SLF2: variants seen among roughly 807,000 people sequenced by gnomAD.
The protein encoded by SLF2 is SMC5/6 complex localization factor 2.
SLF2 carries 68 observed loss-of-function variants against 124.3 expected under a neutral mutation model. The ratio of observed to expected loss-of-function variants is 0.55; its 90% CI spans 0.45 to 0.67. The LOEUF is 0.67. SLF2 is among the 30% of genes least tolerant of loss of function. The probability of loss-of-function intolerance (pLI) is 0.00; values close to 1 mark genes in which losing one functional copy is unlikely to be tolerated. For missense variants in SLF2, 1,246 were observed against 1,373.7 expected (o/e 0.91, Z 1.47); for synonymous variants, 480 against 478.8 (o/e 1.00, Z -0.03).
In SLF2 at chr10:100,930,981, G is replaced by A. The variant is rs1301282042; in HGVS notation, c.2339G>A (p.Gly780Glu). Residue 780 changes from glycine (G) to glutamate (E), a missense_variant, in exon 9 of 20, where the codon GGA becomes GAA. Around this residue, in one of 3 missense-constraint regions of SLF2, gnomAD observed 535 missense variants for 632.8 expected, o/e 0.85. Transcript: ENST00000238961. ...SAVEKLILKS[G>E]KTDQIFLTTQ... is the part of the protein sequence containing the mutation. ...ATTTTACTTTATTTTTTCAGATCGG[G>A]AAAAACAGATCAGATTTTTTTGACA... The A allele has an allele frequency of 2.5e-6, 4 of 1,613,510 alleles. No homozygotes were observed. Among genetic ancestry groups the A allele is most frequent in the Non-Finnish European group, 3.4e-6 (4 of 1,179,562 alleles).
Position 100,963,058 on chromosome 10 carries a change from A to G in SLF2, c.*1146A>G, listed in dbSNP as rs1012547848. ...ATTTTGTTGACGAGATGTCCCTTTT[A>G]GGAGGGTTTGTTTCCTGAAAGAATG... On this transcript the variant is annotated 3_prime_UTR_variant, in exon 20 of 20. Transcript: ENST00000238961. The G allele has an allele frequency of 6.6e-6, 1 of 152,534 alleles. No individual in the cohort carries two copies. Among genetic ancestry groups the G allele is most frequent in the Admixed American group, 6.5e-5 (1 of 15,272 alleles). The allele number at this position is 152,534 out of a possible 1,614,324, so 9.4% of individuals were successfully genotyped here. A position where few individuals can be genotyped will look rare whatever the true frequency, so the allele number is the denominator to read the frequency against.
At chr10:100,946,504 TTTA>T (rs1251193185) in intron 13 of SLF2, among the ~76,000 whole-genome samples, 1 of 151,998 alleles carries the variant, frequency 6.6e-6, no homozygotes, top group Non-Finnish European at 1.5e-5. Flanking sequence ...TTTCTGTGTA[TTTA>T]GTAGAGACAG....
At chr10:100,955,375 GCT>G (rs920102151) in intron 17 of SLF2, among the ~76,000 whole-genome samples, 1 of 152,120 alleles carries the variant, frequency 6.6e-6, no homozygotes, top group Admixed American at 6.6e-5. Context: ...ACAAATGTTA[GCT>G]CTGTTTGTTG....
In SLF2 at chr10:100,913,000, G is replaced by T; in HGVS notation, c.-111G>T. 8.3e-7 allele frequency: 1 copy of T among 1,204,712 alleles called. No homozygotes were observed. Among genetic ancestry groups the T allele is most frequent in the South Asian group, 1.4e-5 (1 of 70,480 alleles). The allele number at this position is 1,204,712 out of a possible 1,614,324, so 74.6% of individuals were successfully genotyped here. A position where few individuals can be genotyped will look rare whatever the true frequency, so the allele number is the denominator to read the frequency against. On this transcript the variant is annotated 5_prime_UTR_variant, in exon 1 of 20. Coordinates refer to ENST00000238961, the MANE Select transcript of SLF2 (RefSeq NM_018121.4). Reference sequence around the variant, plus strand: ...AGAACCGCCATGAAGAGAGAAGGGGGTGCCGCCCACCTCTGCTCCGACAGC... The same window carrying T: ...AGAACCGCCATGAAGAGAGAAGGGGTTGCCGCCCACCTCTGCTCCGACAGC...
intron 17 of SLF2, among the ~76,000 whole-genome samples, chr10:100,955,186 C>T (rs1247226078): frequency 1.3e-5 from 2 of 151,406 alleles, no homozygotes; most frequent in East Asian, 1.9e-4. Flanking sequence ...GTGATCTGCC[C>T]GCCTCGGCCT....
rs1205967112 is a variant in SLF2 at position 100,931,090 on chromosome 10, G to A, written c.2436+12G>A. Reference sequence around the variant, plus strand: ...AGTGGCTGTTTCGGGTAAGAGGAATGTTTAGAGGGTTATAGTTGCCTCCTA... The same window carrying A: ...AGTGGCTGTTTCGGGTAAGAGGAATATTTAGAGGGTTATAGTTGCCTCCTA... On this transcript the variant is annotated intron_variant, in intron 9 of 19. Transcript: ENST00000238961. The A allele has an allele frequency of 1.3e-6, 2 of 1,584,774 alleles. No individual in the cohort carries two copies. Among genetic ancestry groups the A allele is most frequent in the Admixed American group, 1.7e-5 (1 of 58,244 alleles).
chr10:100,914,729 T>C (rs937402161), intron 1 of SLF2, among the ~76,000 whole-genome samples: 5 of 152,202 alleles, frequency 3.3e-5, no homozygotes, highest in Admixed American at 1.3e-4. Flanking sequence ...GTCACTCATA[T>C]TCATCTCATA....
At chr10:100,933,563 AG>A (rs1237675307) in intron 9 of SLF2, among the ~76,000 whole-genome samples, 1 of 152,214 alleles carries the variant, frequency 6.6e-6, no homozygotes, top group African/African-American at 2.4e-5. Flanking sequence ...GTCTAAATGT[AG>A]TAGACCAGAA....
At chr10:100,937,977 T>C (rs921048476) in intron 10 of SLF2, among the ~76,000 whole-genome samples, 1 of 152,190 alleles carries the variant, frequency 6.6e-6, no homozygotes, top group Admixed American at 6.5e-5. Context: ...CTTACTTGCA[T>C]TGAGAAAAAG....
chr10:100,918,445 G>A lies in SLF2; in HGVS notation c.973+4G>A. The A allele has an allele frequency of 6.4e-7, 1 of 1,558,686 alleles. No individual in the cohort carries two copies. The highest frequency in any genetic ancestry group is 8.7e-7 in the Non-Finnish European group (1 of 1,150,880). On this transcript the variant is annotated splice_donor_region_variant and intron_variant, in intron 4 of 19. Coordinates refer to ENST00000238961, the MANE Select transcript of SLF2 (RefSeq NM_018121.4). ...GATTCATGGGAACCTACTTCAGGTA[G>A]AATCAAAATTAAATTTATGGATTTC...
chr10:100,951,682 A>G (rs538191946), intron 17 of SLF2, among the ~76,000 whole-genome samples: 1 of 152,148 alleles, frequency 6.6e-6, no homozygotes, highest in Non-Finnish European at 1.5e-5. Context: ...TCATTTTCAG[A>G]GTATGCTTTA....
Position 100,924,055 on chromosome 10 carries a change from A to G in SLF2, c.1054A>G (p.Met352Val), listed in dbSNP as rs1849564753. The G allele has an allele frequency of 4.4e-6, 7 of 1,608,946 alleles. No homozygotes were observed. The highest frequency in any genetic ancestry group is 5.9e-6 in the Non-Finnish European group (7 of 1,178,732). ...DSDLKSTRES[M>V]IPKARESFLE... ...AGATCTGAAAAGCACAAGAGAATCT[A>G]TGATACCAAAAGCAAGAGAGTCCTT... Residue 352 changes from methionine (M) to valine (V), a missense_variant, in exon 5 of 20, where the codon ATG becomes GTG. Transcript: ENST00000238961.
chr10:100,924,901 C>G lies in SLF2; in HGVS notation c.1900C>G (p.Gln634Glu), dbSNP rs201498269. The G allele has an allele frequency of 2.2e-5, 36 of 1,614,114 alleles. No homozygotes were observed. In the African/African-American group the frequency reaches 2.9e-4, roughly 13 times the overall value. ...AGAAATAATGGCTTTGAACTTCAAT[C>G]AGACTCCTGCAGCTACAGGAAAGCC... ...LEEIMALNFNQTPAATGKPPA... is the reference protein window; with the variant it reads ...LEEIMALNFNETPAATGKPPA... The change falls in exon 5 of 20, where the codon CAG (glutamine) becomes GAG (glutamate). Residue 634 changes from glutamine to glutamate, a missense_variant. By Grantham distance (29) the Gln-to-Glu change is conservative. Transcript: ENST00000238961.
intron 8 of SLF2, 115 bp downstream of exon 8, chr10:100,930,112 T>G (rs1050602839): frequency 1.1e-5 from 7 of 610,188 alleles, no homozygotes; most frequent in African/African-American, 1.9e-5. Flanking sequence ...TTAAGTTTCC[T>G]AATCCTCTTA....
Position 100,964,561 on chromosome 10 carries a change from G to T in SLF2, c.*2649G>T, listed in dbSNP as rs1279932877. On this transcript the variant is annotated 3_prime_UTR_variant, in exon 20 of 20. Transcript: ENST00000238961. ...TGGTGCCTTTGTCACCTTTTGGAAG[G>T]TTTGCATTTTGTTTCTGCTTTCAAG... 6.6e-6 allele frequency: 1 copy of T among 152,560 alleles called. No individual in the cohort carries two copies. The highest frequency in any genetic ancestry group is 2.4e-5 in the African/African-American group (1 of 41,408). The allele number at this position is 152,560 out of a possible 1,614,324, so 9.5% of individuals were successfully genotyped here.
intron 17 of SLF2, among the ~76,000 whole-genome samples, chr10:100,951,199 C>G (rs372830490): frequency 1.1e-4 from 16 of 152,100 alleles, no homozygotes; most frequent in Admixed American, 1.0e-3. Context: ...GCCGAGATTG[C>G]GCCACTGCAC....
intron 4 of SLF2, among the ~76,000 whole-genome samples, chr10:100,919,001 C>CTTTTTTTTTT (rs528512219): frequency 9.5e-6 from 1 of 105,710 alleles, no homozygotes; most frequent in South Asian, 3.4e-4. Flanking sequence ...GAAACATAAT[C>CTTTTTTTTTT]TTTTTTTTTT....
chr10:100,944,008 T>C lies in SLF2; in HGVS notation c.2655-18T>C. 6.5e-7 allele frequency: 1 copy of C among 1,548,064 alleles called. No homozygotes were observed. Among genetic ancestry groups the C allele is most frequent in the Non-Finnish European group, 8.8e-7 (1 of 1,136,828 alleles). ...ATTTTGTGCCTAACTTCACATTGCTTTACTCACTTCTCAATAGTTCTGAAA... is the reference window on the plus strand; with the variant it reads ...ATTTTGTGCCTAACTTCACATTGCTCTACTCACTTCTCAATAGTTCTGAAA... On this transcript the variant is annotated intron_variant, in intron 11 of 19. Transcript: ENST00000238961.
intron 9 of SLF2, among the ~76,000 whole-genome samples, chr10:100,933,090 A>G (rs1849777413): frequency 6.6e-6 from 1 of 152,210 alleles, no homozygotes. Context: ...GAACAGAGAA[A>G]GACCCCATAT....
Sources: gnomAD v4.1 joint callset for allele counts (sites outside exome capture counted in the v4.1 genomes callset) on GRCh38, gnomAD v4.1.1 for gene constraint, gnomAD v4.1.1 regional missense constraint, MANE v1.5 for transcripts, NCBI Gene and HGNC (gene_info 2026-07-23, HGNC 2026-07-21) for gene names.